The following TRPC7 variants were observed in gnomAD, a reference collection of about 807,000 sequenced individuals.
The protein encoded by TRPC7 is short transient receptor potential channel 7.
TRPC7 carries 42 observed loss-of-function variants against 90.1 expected under a neutral mutation model. The observed-to-expected ratio is 0.47, with a 90% CI of 0.36 to 0.60. The LOEUF (loss-of-function observed/expected upper bound fraction) is 0.60. Ranked by LOEUF, TRPC7 falls within the 20% of genes least tolerant of loss-of-function variation. The probability of loss-of-function intolerance (pLI) is 0.00; values close to 1 mark genes in which losing one functional copy is unlikely to be tolerated. For synonymous variants in TRPC7, 451 were observed against 436.3 expected, an observed-to-expected ratio of 1.03 and a Z score of -0.42; for missense variants, 955 against 1,112.3, an observed-to-expected ratio of 0.86 and a Z score of 2.01.
At chr5:136,270,273 T>A (rs924195868) in intron 4 of TRPC7, among the ~76,000 whole-genome samples, 7 of 152,200 alleles carry the variant, frequency 4.6e-5, no homozygotes, top group African/African-American at 1.4e-4. Flanking sequence ...TATATTTTTT[T>A]AAAAACAAGT....
intron 2 of TRPC7, among the ~76,000 whole-genome samples, chr5:136,335,842 T>G (rs1759642950): frequency 1.4e-5 from 2 of 140,298 alleles, no homozygotes; most frequent in African/African-American, 2.7e-5. Context: ...AGGCGGAGCT[T>G]GCAGTGAGCC....
Position 136,231,359 on chromosome 5 carries a change from T to C in TRPC7, c.2035A>G (p.Ile679Val). 1 of 1,590,942 alleles carries C rather than the reference T, an allele frequency of 6.3e-7. No individual in the cohort carries two copies. Among genetic ancestry groups the C allele is most frequent in the Non-Finnish European group, 8.6e-7 (1 of 1,162,512 alleles). ...TTTCAGTGACCTGGCCTTACCTCAA[T>C]TTCCTGATAGGAGTTGTTTATCATG... ...IAMINNSYQEIEEDADVEWKF... is the reference protein window; with the variant it reads ...IAMINNSYQEVEEDADVEWKF... The change falls in exon 8 of 12, where the codon ATT (isoleucine) becomes GTT (valine). Residue 679 changes from isoleucine to valine, a missense_variant. Physicochemically the swap from Ile to Val is conservative, Grantham distance 29. Around this residue, in one of 4 missense-constraint regions of TRPC7, gnomAD observed 296 missense variants for 422.7 expected, o/e 0.70. Transcript: ENST00000513104.
In TRPC7 at chr5:136,226,211, C is replaced by A. The variant is rs1410186371; in HGVS notation, c.2085G>T (p.Trp695Cys). The A allele has an allele frequency of 1.3e-6, 2 of 1,552,036 alleles. No homozygotes were observed. Among genetic ancestry groups the A allele is most frequent in the African/African-American group, 2.7e-5 (2 of 73,096 alleles). Residue 695 changes from tryptophan to cysteine, a missense_variant, in exon 9 of 12, where the codon TGG (tryptophan) becomes TGT (cysteine). This residue lies in a region of TRPC7 where 296 missense variants were observed against 422.7 expected (regional missense o/e 0.70). Coordinates refer to ENST00000513104, the MANE Select transcript of TRPC7 (RefSeq NM_020389.3). ...VEWKFARAKLWLSYFDEGRTL... is the reference protein window; with the variant it reads ...VEWKFARAKLCLSYFDEGRTL... ...TTCTTCCTTCATCAAAGTAAGACAG[C>A]CAGAGTTTTGCTCGGGCGAACTTCC...
At chr5:136,306,708 C>T (rs1426824833) in intron 3 of TRPC7, among the ~76,000 whole-genome samples, 4 of 152,068 alleles carry the variant, frequency 2.6e-5, no homozygotes, top group African/African-American at 4.8e-5. Flanking sequence ...TTTGTTTCTG[C>T]CCCACCCTAA....
rs752027329 is a variant in TRPC7 at position 136,216,212 on chromosome 5, C to T, written c.2407G>A (p.Glu803Lys). 7 of 1,612,656 alleles carry T rather than the reference C, an allele frequency of 4.3e-6. No homozygotes were observed. Among genetic ancestry groups the T allele is most frequent in the Admixed American group, 1.7e-5 (1 of 59,888 alleles). The change falls in exon 11 of 12, where the codon GAA becomes AAA. Residue 803 changes from glutamate to lysine, a missense_variant. This residue lies in a region of TRPC7 where 296 missense variants were observed against 422.7 expected (regional missense o/e 0.70). Transcript: ENST00000513104. ...LKAQVDREND[E>K]VNEGELKEIK... ...TCCAGTCATTTACCTTCATTGACTT[C>T]GTCATTTTCTCTGTCCACCTGGGCT...
At chr5:136,289,103 C>G (rs1580905328) in intron 3 of TRPC7, among the ~76,000 whole-genome samples, 1 of 152,186 alleles carries the variant, frequency 6.6e-6, no homozygotes. Flanking sequence ...AAAATGGGCC[C>G]CAAAATGCAG....
At position 136,353,030 on chromosome 5, in the gene TRPC7, T is replaced by G. The variant is rs138211573; in HGVS notation, c.780+3578A>C. Among the ~76,000 whole-genome samples the G allele has an allele frequency of 2.6e-3, 402 of 152,342 alleles. 2 individuals carry two copies. The highest frequency in any genetic ancestry group is 9.2e-3 in the African/African-American group (381 of 41,570). ...TTCCCTTCATCAAGTATTTCCGGAA[T>G]GCTCACTAGTTTATTGGGTACCACA... On this transcript the variant is annotated intron_variant, in intron 2 of 11. Coordinates refer to ENST00000513104, the MANE Select transcript of TRPC7 (RefSeq NM_020389.3).
Position 136,242,238 on chromosome 5 carries a change from A to AATT in TRPC7, c.1844+5232_1844+5233insAAT, listed in dbSNP as rs1475852559. On this transcript the variant is annotated intron_variant, in intron 7 of 11. Transcript: ENST00000513104. ...TTCGATTTTGTACTCTGAGAGCATAAACCTTGTCTGAACATTTTTCCTTTC... is the reference window on the plus strand; with the variant it reads ...TTCGATTTTGTACTCTGAGAGCATAAATTACCTTGTCTGAACATTTTTCCTTTC... 3.9e-5 allele frequency among the ~76,000 whole-genome samples: 6 copies of AATT among 152,316 alleles called. No homozygotes were observed. In the South Asian group the frequency reaches 1.0e-3, roughly 26 times the overall value.
intron 7 of TRPC7, among the ~76,000 whole-genome samples, chr5:136,244,039 T>C (rs1756253387): frequency 6.6e-6 from 1 of 152,082 alleles, no homozygotes; most frequent in Admixed American, 6.6e-5. Flanking sequence ...GCCACCTGCC[T>C]TCCTCCCTGT....
intron 3 of TRPC7, among the ~76,000 whole-genome samples, chr5:136,299,357 G>GTGTGTGTGTGTGTT (rs1758298167): frequency 2.6e-5 from 4 of 150,968 alleles, no homozygotes; most frequent in African/African-American, 9.7e-5. Flanking sequence ...GTGTGTGTGT[G>GTGTGTGTGTGTGTT]TGTGTGTGTG....
chr5:136,351,080 AT>A (rs1760177553), intron 2 of TRPC7, among the ~76,000 whole-genome samples: 1 of 152,234 alleles, frequency 6.6e-6, no homozygotes, highest in African/African-American at 2.4e-5. Context: ...TGTAAATGCT[AT>A]GTGAATAGTT....
chr5:136,268,357 G>C (rs1757104123), intron 4 of TRPC7, among the ~76,000 whole-genome samples: 1 of 152,108 alleles, frequency 6.6e-6, no homozygotes, highest in African/African-American at 2.4e-5. Context: ...AGAGGGCAAG[G>C]GATACCAGGT....
intron 3 of TRPC7, among the ~76,000 whole-genome samples, chr5:136,298,960 T>A (rs924473721): frequency 6.6e-6 from 1 of 152,002 alleles, no homozygotes. Context: ...TTGTTCATGT[T>A]TGGGTGGAAG....
At chr5:136,348,324 A>G (rs1286249795) in intron 2 of TRPC7, among the ~76,000 whole-genome samples, 2 of 152,140 alleles carry the variant, frequency 1.3e-5, no homozygotes, top group African/African-American at 4.8e-5. Flanking sequence ...CAATTCTCTG[A>G]ATGGGCTTCT....
chr5:136,339,679 A>G (rs1251604856), intron 2 of TRPC7, among the ~76,000 whole-genome samples: 2 of 152,216 alleles, frequency 1.3e-5, no homozygotes, highest in East Asian at 3.9e-4. Context: ...TGACATTCCT[A>G]TGATTTCATC....
intron 2 of TRPC7, among the ~76,000 whole-genome samples, chr5:136,336,006 C>A (rs531209365): frequency 6.6e-6 from 1 of 151,754 alleles, no homozygotes; most frequent in South Asian, 2.1e-4. Context: ...TTCCCACAAA[C>A]CCAACTTCCC....
chr5:136,332,648 T>A (rs1390585867), intron 2 of TRPC7, among the ~76,000 whole-genome samples: 1 of 152,008 alleles, frequency 6.6e-6, no homozygotes, highest in Non-Finnish European at 1.5e-5. Flanking sequence ...TATTGATGAA[T>A]GCTAAGTAAG....
intron 2 of TRPC7, among the ~76,000 whole-genome samples, chr5:136,356,010 G>A (rs766694599): frequency 5.9e-5 from 9 of 152,180 alleles, no homozygotes; most frequent in Admixed American, 1.3e-4. Flanking sequence ...TTTCGCCTGA[G>A]CTCGTCTACT....
At chr5:136,277,284 C>T (rs1320762892) in intron 3 of TRPC7, among the ~76,000 whole-genome samples, 1 of 152,230 alleles carries the variant, frequency 6.6e-6, no homozygotes. Flanking sequence ...GGGGCTCTGT[C>T]TTCCTCTGAT....
Sources: gnomAD v4.1 joint callset for allele counts (sites outside exome capture counted in the v4.1 genomes callset) on GRCh38, gnomAD v4.1.1 for gene constraint, gnomAD v4.1.1 regional missense constraint, MANE v1.5 for transcripts, NCBI Gene and HGNC (gene_info 2026-07-23, HGNC 2026-07-21) for gene names.